C1orf50: variants seen among roughly 807,000 people sequenced by gnomAD.
The protein encoded by C1orf50 is uncharacterized protein C1orf50.
Under a neutral mutation model 23.3 loss-of-function variants are expected in C1orf50, and 22 were observed. That is an observed-to-expected ratio of 0.94 (90% CI 0.67 to 1.35). C1orf50 has a LOEUF of 1.35. Ranked by LOEUF, C1orf50 falls within the 40% of genes most tolerant of loss-of-function variation. C1orf50 has a pLI of 0.00. For synonymous variants in C1orf50, 96 were observed against 102.4 expected (o/e 0.94, Z 0.38); for missense variants, 271 against 249.4 (o/e 1.09, Z -0.58).
chr1:42,767,331 C>T lies in C1orf50; in HGVS notation c.20C>T (p.Pro7Leu), dbSNP rs773787364. The stretch of plus-strand genomic sequence containing the variant: ...GCTGTCATGGAGGACGCCGCCGCGC[C>T]GGGGCGGACCGAGGGGGTCCTTGAA... MEDAAA[P>L]GRTEGVLERQ... Residue 7 changes from proline to leucine, a missense_variant, in exon 1 of 5, where the codon CCG (proline) becomes CTG (leucine). Physicochemically the swap from Pro to Leu is moderately conservative, Grantham distance 98 (BLOSUM62 -3). Coordinates refer to ENST00000372525, the MANE Select transcript of C1orf50 (RefSeq NM_024097.4). 24 of 1,522,580 alleles carry T rather than the reference C, an allele frequency of 1.6e-5. No individual in the cohort carries two copies. In the African/African-American group the frequency reaches 2.0e-4, roughly 12 times the overall value. The allele number at this position is 1,522,580 out of a possible 1,614,324, so 94.3% of individuals were successfully genotyped here.
intron 3 of C1orf50, 34 bp from the exon 4 acceptor site, chr1:42,774,703 A>G: frequency 6.3e-7 from 1 of 1,581,302 alleles, no homozygotes; most frequent in South Asian, 1.1e-5. Flanking sequence ...TGTTATCTCC[A>G]ATACCTAATT....
chr1:42,769,376 C>T (rs910571705), intron 2 of C1orf50, among the ~76,000 whole-genome samples: 5 of 150,634 alleles, frequency 3.3e-5, no homozygotes, highest in Admixed American at 3.3e-4. Context: ...GAAACCCTGT[C>T]TCTACTAAAA....
In C1orf50 at chr1:42,768,757, A is replaced by T. The variant is rs181406805; in HGVS notation, c.195+1133A>T. Among the ~76,000 whole-genome samples, 127 of 152,322 alleles carry T rather than the reference A, an allele frequency of 8.3e-4. 1 individual carries two copies. Among genetic ancestry groups the T allele is most frequent in the African/African-American group, 2.5e-3 (105 of 41,574 alleles). The stretch of plus-strand genomic sequence containing the variant: ...AGAATCTTGTGCACACAACGTATTC[A>T]TGTGCTATTGAATGACTATCGTGTT... On this transcript the variant is annotated intron_variant, in intron 2 of 4. Transcript: ENST00000372525.
Position 42,775,925 on chromosome 1 carries a change from G to A in C1orf50, c.*531G>A, listed in dbSNP as rs1034440700. The A allele has an allele frequency of 6.7e-6, 1 of 148,226 alleles. No homozygotes were observed. The highest frequency in any genetic ancestry group is 2.6e-5 in the African/African-American group (1 of 38,240). The allele number at this position is 148,226 out of a possible 1,614,324, so 9.2% of individuals were successfully genotyped here. The stretch of plus-strand genomic sequence containing the variant: ...AACAACAACAAAAAAAAAAACACTT[G>A]GCTTGGCTGGACCAGAGAGTGTGTG... On this transcript the variant is annotated 3_prime_UTR_variant, in exon 5 of 5. Coordinates refer to ENST00000372525, the MANE Select transcript of C1orf50 (RefSeq NM_024097.4).
At chr1:42,774,546 A>AT (rs547916724) in intron 3 of C1orf50, among the ~76,000 whole-genome samples, 191 bp from the exon 4 acceptor site, 3 of 152,192 alleles carry the variant, frequency 2.0e-5, no homozygotes, top group Non-Finnish European at 4.4e-5. Context: ...TTCTAAAGGC[A>AT]TTTTTACAGC....
chr1:42,774,043 G>A (rs867591007), intron 3 of C1orf50, among the ~76,000 whole-genome samples: 32 of 152,034 alleles, frequency 2.1e-4, no homozygotes, highest in Middle Eastern at 3.4e-3. Flanking sequence ...GGCCTGTCTT[G>A]AACTCCTGAC....
rs1391221262 is a variant in C1orf50 at position 42,778,389 on chromosome 1, G to A, written c.*2995G>A. ...ATGGAATACTATGGAGCTCCGGGGA[G>A]GGGTTCCTTACTGAGCTTGGAGAAT... On this transcript the variant is annotated 3_prime_UTR_variant, in exon 5 of 5. Transcript: ENST00000372525. 6.6e-6 allele frequency: 1 copy of A among 152,252 alleles called. No homozygotes were observed. Among genetic ancestry groups the A allele is most frequent in the Non-Finnish European group, 1.5e-5 (1 of 68,060 alleles). 9.4% of individuals were successfully genotyped at this position (152,252 alleles called of 1,614,324 possible).
At chr1:42,772,821 G>C (rs999135309) in intron 2 of C1orf50, among the ~76,000 whole-genome samples, 1 of 152,076 alleles carries the variant, frequency 6.6e-6, no homozygotes, top group Non-Finnish European at 1.5e-5. Context: ...GCACTTTGTG[G>C]CACGTGACAG....
Position 42,774,855 on chromosome 1 carries a change from T to A in C1orf50, c.401T>A (p.Ile134Asn). The A allele has an allele frequency of 6.2e-7, 1 of 1,611,994 alleles. No individual in the cohort carries two copies. The highest frequency in any genetic ancestry group is 8.5e-7 in the Non-Finnish European group (1 of 1,179,478). Residue 134 changes from isoleucine (I) to asparagine (N), a missense_variant, in exon 4 of 5, where the codon ATC becomes AAC. Coordinates refer to ENST00000372525, the MANE Select transcript of C1orf50 (RefSeq NM_024097.4). ...GAGAGTGGTCAGCAGTATTTTTCCA[T>A]CATTTCTCCAAAGGTAAGAACATAC... Reference protein sequence around the residue: ...KRESGQQYFSIISPKEWGTSC... With the variant: ...KRESGQQYFSNISPKEWGTSC...
Position 42,777,642 on chromosome 1 carries a change from A to G in C1orf50, c.*2248A>G, listed in dbSNP as rs181538675. The G allele has an allele frequency of 6.6e-6, 1 of 152,346 alleles. No individual in the cohort carries two copies. The highest frequency in any genetic ancestry group is 1.9e-4 in the East Asian group (1 of 5,180). 9.4% of individuals were successfully genotyped at this position (152,346 alleles called of 1,614,324 possible). ...GAAGCAAGTCACTAGGCTAGCCCAT[A>G]TTCAAGGGAGGGAGTTATACAAAGG... On this transcript the variant is annotated 3_prime_UTR_variant, in exon 5 of 5. Transcript: ENST00000372525.
rs1175999798 is a variant in C1orf50 at position 42,775,877 on chromosome 1, T to TG, written c.*485dup. 7.1e-6 allele frequency: 1 copy of TG among 140,160 alleles called. No individual in the cohort carries two copies. The highest frequency in any genetic ancestry group is 1.6e-5 in the Non-Finnish European group (1 of 63,122). The allele number at this position is 140,160 out of a possible 1,614,324, so 8.7% of individuals were successfully genotyped here. ...ATCTGGGAACGAGAATGTTGAGTAA[T>TG]GGAGGGTGATTTAAAAAACAACAAC... On this transcript the variant is annotated 3_prime_UTR_variant, in exon 5 of 5. Transcript: ENST00000372525.
At position 42,767,326 on chromosome 1, in the gene C1orf50, C is replaced by A. The variant is rs193038877; in HGVS notation, c.15C>A (p.Ala5=). 3.1e-3 allele frequency: 4,749 copies of A among 1,519,244 alleles called. 12 individuals carry two copies. Among genetic ancestry groups the A allele is most frequent in the Non-Finnish European group, 3.8e-3 (4,377 of 1,139,030 alleles). The allele number at this position is 1,519,244 out of a possible 1,614,324, so 94.1% of individuals were successfully genotyped here. ...AAGGCGCTGTCATGGAGGACGCCGCCGCGCCGGGGCGGACCGAGGGGGTCC... is the reference window on the plus strand; with the variant it reads ...AAGGCGCTGTCATGGAGGACGCCGCAGCGCCGGGGCGGACCGAGGGGGTCC... The part of the protein sequence containing the change: MEDA[A]APGRTEGVLE... Residue 5 remains alanine (A), a synonymous_variant, in exon 1 of 5, where the codon GCC becomes GCA. Transcript: ENST00000372525.
rs1430857008 is a variant in C1orf50, at chr1:42,775,341, T to C, written c.547T>C (p.Ser183Pro). The C allele has an allele frequency of 6.2e-7, 1 of 1,611,564 alleles. No homozygotes were observed. Among genetic ancestry groups the C allele is most frequent in the South Asian group, 1.1e-5 (1 of 90,972 alleles). ...CATGATGGACACGTTGCTAAGCCAG[T>C]CAGTGGCCCTGCCTCCGTGCACTGA... ...ISMMDTLLSQ[S>P]VALPPCTEPN... is the part of the protein sequence containing the mutation. The change falls in exon 5 of 5, where the codon TCA becomes CCA. Residue 183 changes from serine (S) to proline (P), a missense_variant. Physicochemically the swap from Ser to Pro is moderately conservative, Grantham distance 74. Coordinates refer to ENST00000372525, the MANE Select transcript of C1orf50 (RefSeq NM_024097.4).
At position 42,775,242 on chromosome 1, in the gene C1orf50, G is replaced by T; in HGVS notation, c.448G>T (p.Gly150Cys). The change falls in exon 5 of 5, where the codon GGT (glycine) becomes TGT (cysteine). Residue 150 changes from glycine (G) to cysteine (C), a missense_variant. Transcript: ENST00000372525. ...GACAAGTTGTCCACATGACTTCCTT[G>T]GTGCCTACAAACTACAGCATGACTT... ...WGTSCPHDFL[G>C]AYKLQHDLSW... is the part of the protein sequence containing the mutation. 1.3e-5 allele frequency: 21 copies of T among 1,602,700 alleles called. No homozygotes were observed. Among genetic ancestry groups the T allele is most frequent in the Non-Finnish European group, 1.7e-5 (20 of 1,170,412 alleles).
intron 2 of C1orf50, 128 bp downstream of exon 2, chr1:42,767,752 A>ACTCGTCT: frequency 1.2e-6 from 1 of 816,860 alleles, no homozygotes; most frequent in Non-Finnish European, 1.9e-6. Context: ...TTTACAGACG[A>ACTCGTCT]GTAAAGCCGA....
At position 42,778,196 on chromosome 1, in the gene C1orf50, G is replaced by A. The variant is rs539299225; in HGVS notation, c.*2802G>A. The A allele has an allele frequency of 6.6e-6, 1 of 152,202 alleles. No individual in the cohort carries two copies. The highest frequency in any genetic ancestry group is 1.5e-5 in the Non-Finnish European group (1 of 68,012). 9.4% of individuals were successfully genotyped at this position (152,202 alleles called of 1,614,324 possible). ...TCACTTTTCATTTACCCATCCATCT[G>A]TTCACCTGATAATTTCATTAGTGTT... On this transcript the variant is annotated 3_prime_UTR_variant, in exon 5 of 5. Transcript: ENST00000372525.
rs923963596 is a variant in C1orf50, at chr1:42,778,580, C to T, written c.*3186C>T. ...TATTTGTGAATGAAGAAAGTGACAA[C>T]CATTTAAGCCATATCAACCAAAGCA... On this transcript the variant is annotated 3_prime_UTR_variant, in exon 5 of 5. Transcript: ENST00000372525. 1 of 152,050 alleles carries T rather than the reference C, an allele frequency of 6.6e-6. No individual in the cohort carries two copies. The highest frequency in any genetic ancestry group is 2.4e-5 in the African/African-American group (1 of 41,386). The allele number at this position is 152,050 out of a possible 1,614,324, so 9.4% of individuals were successfully genotyped here. A position where few individuals can be genotyped will look rare whatever the true frequency, so the allele number is the denominator to read the frequency against.
chr1:42,770,051 G>A (rs763466493), intron 2 of C1orf50, among the ~76,000 whole-genome samples: 4 of 152,144 alleles, frequency 2.6e-5, no homozygotes, highest in African/African-American at 7.2e-5. Flanking sequence ...CATCTCCAGC[G>A]TCATAAAGGT....
chr1:42,767,291 T>G lies in C1orf50; in HGVS notation c.-21T>G. ...CTTCCTACTCGCACAGCCCAGGGAG[T>G]GGGGAGGATAAGGCGCTGTCATGGA... On this transcript the variant is annotated 5_prime_UTR_variant, in exon 1 of 5. Coordinates refer to ENST00000372525, the MANE Select transcript of C1orf50 (RefSeq NM_024097.4). 1 of 1,485,818 alleles carries G rather than the reference T, an allele frequency of 6.7e-7. No individual in the cohort carries two copies. Among genetic ancestry groups the G allele is most frequent in the Non-Finnish European group, 8.9e-7 (1 of 1,122,682 alleles). The allele number at this position is 1,485,818 out of a possible 1,614,324, so 92.0% of individuals were successfully genotyped here.
Sources: allele counts gnomAD v4.1 joint callset (sites outside exome capture counted in the v4.1 genomes callset), GRCh38; gene constraint gnomAD v4.1.1; transcripts MANE v1.5; gene names NCBI Gene and HGNC (gene_info 2026-07-23, HGNC 2026-07-21).